The following ATXN1 variants were observed in gnomAD, a reference collection of about 807,000 sequenced individuals.
ATXN1 encodes the protein ataxin-1.
ATXN1 carries 8 observed loss-of-function variants against 56.4 expected under a neutral mutation model. The ratio of observed to expected loss-of-function variants is 0.14; its 90% CI spans 0.08 to 0.26. The LOEUF (loss-of-function observed/expected upper bound fraction) is 0.26. ATXN1 is among the 10% of genes least tolerant of loss of function. The pLI is 1.00. For synonymous variants in ATXN1, 514 were observed against 494.6 expected (o/e 1.04, Z -0.52); for missense variants, 987 against 1,106.5 (o/e 0.89, Z 1.53).
At chr6:16,690,254 G>C (rs1004888200) in intron 2 of ATXN1, among the ~76,000 whole-genome samples, 1 of 151,930 alleles carries the variant, frequency 6.6e-6, no homozygotes, top group Non-Finnish European at 1.5e-5. Context: ...TGATTGGGTA[G>C]CCTCAAAGAG....
chr6:16,718,486 T>C (rs1759681939), intron 2 of ATXN1, among the ~76,000 whole-genome samples: 1 of 152,194 alleles, frequency 6.6e-6, no homozygotes, highest in African/African-American at 2.4e-5. Context: ...AACCTATAGG[T>C]CATGCTTATA....
chr6:16,574,822 CTT>C (rs60679834), intron 4 of ATXN1, among the ~76,000 whole-genome samples: 88 of 136,606 alleles, frequency 6.4e-4, no homozygotes, highest in Admixed American at 2.3e-3. Flanking sequence ...ACCAAACAGG[CTT>C]TTTTTTTTTT....
intron 2 of ATXN1, among the ~76,000 whole-genome samples, chr6:16,730,257 C>T (rs1759939379): frequency 6.6e-6 from 1 of 152,038 alleles, no homozygotes; most frequent in African/African-American, 2.4e-5. Flanking sequence ...CCAGCCTGGG[C>T]AACAGAGTGA....
At chr6:16,565,855 G>A (rs1037811646) in intron 4 of ATXN1, among the ~76,000 whole-genome samples, 3 of 152,166 alleles carry the variant, frequency 2.0e-5, no homozygotes, top group African/African-American at 7.2e-5. Flanking sequence ...ATGGTCAATG[G>A]AGTATCAGCT....
At position 16,656,775 on chromosome 6, in the gene ATXN1, C is replaced by T. The variant is rs142606018; in HGVS notation, c.-489+1001G>A. Among the ~76,000 whole-genome samples the T allele has an allele frequency of 9.5e-3, 1,445 of 152,214 alleles. 7 individuals carry two copies. Among genetic ancestry groups the T allele is most frequent in the Non-Finnish European group, 0.014 (966 of 68,018 alleles). On this transcript the variant is annotated intron_variant, in intron 3 of 7. Transcript: ENST00000436367. ...GTTAGGTGACTTTGTCACTGTGCAA[C>T]ATCACAGAGTACTTTCACAGGCCTG...
intron 7 of ATXN1, among the ~76,000 whole-genome samples, chr6:16,312,802 C>A (rs1216449259): frequency 1.3e-5 from 2 of 152,072 alleles, no homozygotes; most frequent in East Asian, 3.9e-4. Context: ...TCGATACTAA[C>A]CCCTTCGTCT....
At chr6:16,666,984 A>C (rs1348284143) in intron 2 of ATXN1, 1 of 152,234 alleles carries the variant, frequency 6.6e-6, no homozygotes, top group South Asian at 2.1e-4. Flanking sequence ...ATTTAGAAAG[A>C]AAATACGCAA....
intron 3 of ATXN1, among the ~76,000 whole-genome samples, chr6:16,587,657 A>T (rs1039512923): frequency 6.6e-6 from 1 of 152,058 alleles, no homozygotes; most frequent in African/African-American, 2.4e-5. Context: ...TTTCAGCTGG[A>T]CACAGTGGCT....
At chr6:16,348,068 G>C (rs1313479235) in intron 6 of ATXN1, among the ~76,000 whole-genome samples, 2 of 152,130 alleles carry the variant, frequency 1.3e-5, no homozygotes, top group African/African-American at 4.8e-5. Context: ...CACCGCAAGG[G>C]TCCACGGCTT....
chr6:16,571,048 G>A (rs1762323211), intron 4 of ATXN1, among the ~76,000 whole-genome samples: 1 of 152,142 alleles, frequency 6.6e-6, no homozygotes, highest in Non-Finnish European at 1.5e-5. Context: ...GCTCTGTTGA[G>A]GGTTACACAG....
rs546852712 is a variant in ATXN1 at position 16,333,027 on chromosome 6, T to C, written c.-160-4557A>G. On this transcript the variant is annotated intron_variant, in intron 6 of 7. Coordinates refer to ENST00000436367, the MANE Select transcript of ATXN1 (RefSeq NM_001128164.2). Reference sequence around the variant, plus strand: ...GCTAAACTCTTAAGCAAATTAAACATCTCTAGCCTCTTCCTAATGGAGCAG... The same window carrying C: ...GCTAAACTCTTAAGCAAATTAAACACCTCTAGCCTCTTCCTAATGGAGCAG... Among the ~76,000 whole-genome samples, 16 of 152,272 alleles carry C rather than the reference T, an allele frequency of 1.1e-4. No homozygotes were observed. In the East Asian group the frequency reaches 3.1e-3, roughly 29 times the overall value.
At chr6:16,513,070 C>A (rs1008377511) in intron 5 of ATXN1, among the ~76,000 whole-genome samples, 5 of 152,206 alleles carry the variant, frequency 3.3e-5, no homozygotes, top group Non-Finnish European at 1.5e-5. Context: ...GTTCAGCCAA[C>A]GGCTAGGAAA....
At chr6:16,310,036 C>T (rs565228722) in intron 7 of ATXN1, among the ~76,000 whole-genome samples, 1 of 150,672 alleles carries the variant, frequency 6.6e-6, no homozygotes, top group African/African-American at 2.4e-5. Context: ...CATTCCATCA[C>T]ACTCTAGACT....
chr6:16,618,894 A>G (rs865972368), intron 3 of ATXN1, among the ~76,000 whole-genome samples: 5 of 152,196 alleles, frequency 3.3e-5, no homozygotes, highest in African/African-American at 1.2e-4. Context: ...ATACCATTAA[A>G]CAAAGAGTTA....
intron 7 of ATXN1, among the ~76,000 whole-genome samples, chr6:16,313,954 A>C (rs1760455785): frequency 1.3e-5 from 2 of 152,154 alleles, no homozygotes. Flanking sequence ...TTTTGCCTAA[A>C]TTCTGCCTTT....
chr6:16,746,601 C>T (rs1760544164), intron 2 of ATXN1, among the ~76,000 whole-genome samples: 1 of 152,158 alleles, frequency 6.6e-6, no homozygotes, highest in South Asian at 2.1e-4. Context: ...CATTCCACCT[C>T]CAGAAATGGA....
rs1760117917 is a variant in ATXN1 at position 16,301,997 on chromosome 6, A to T, written c.*4332T>A. On this transcript the variant is annotated 3_prime_UTR_variant, in exon 8 of 8. Transcript: ENST00000436367. Reference sequence around the variant, plus strand: ...TACAACAACAAAAATAAATTTTGGCAACATATTTCAGTAAAGATCAAACTG... The same window carrying T: ...TACAACAACAAAAATAAATTTTGGCTACATATTTCAGTAAAGATCAAACTG... The T allele has an allele frequency of 6.5e-6, 1 of 152,686 alleles. No homozygotes were observed. Among genetic ancestry groups the T allele is most frequent in the Non-Finnish European group, 1.5e-5 (1 of 68,056 alleles). 9.5% of individuals were successfully genotyped at this position (152,686 alleles called of 1,614,324 possible).
At chr6:16,758,334 G>T (rs947705772) in intron 1 of ATXN1, among the ~76,000 whole-genome samples, 8 of 152,194 alleles carry the variant, frequency 5.3e-5, no homozygotes, top group African/African-American at 1.9e-4. Flanking sequence ...GACTGCAAAA[G>T]AAATGTTGCT....
At chr6:16,443,288 G>A (rs544671667) in intron 6 of ATXN1, among the ~76,000 whole-genome samples, 5 of 148,208 alleles carry the variant, frequency 3.4e-5, no homozygotes, top group Non-Finnish European at 7.4e-5. Flanking sequence ...GCCTAAAAAT[G>A]GTAAAAAGGA....
Sources: allele counts gnomAD v4.1 joint callset (sites outside exome capture counted in the v4.1 genomes callset), GRCh38; gene constraint gnomAD v4.1.1; transcripts MANE v1.5; gene names NCBI Gene and HGNC (gene_info 2026-07-23, HGNC 2026-07-21).